The following CAMKMT variants were observed in gnomAD, a reference collection of about 807,000 sequenced individuals.
CAMKMT encodes the protein CaM KMT.
Under a neutral mutation model 48.0 loss-of-function variants are expected in CAMKMT, and 53 were observed. The observed-to-expected ratio is 1.10, with a 90% CI of 0.89 to 1.39. The LOEUF (loss-of-function observed/expected upper bound fraction) is 1.39, where lower values mean the gene tolerates loss of function less well. Ranked by LOEUF, CAMKMT falls within the 40% of genes most tolerant of loss-of-function variation. The probability of loss-of-function intolerance (pLI) is 0.00; values close to 1 mark genes in which losing one functional copy is unlikely to be tolerated. For synonymous variants in CAMKMT, 165 were observed against 152.3 expected (o/e 1.08, Z -0.61); for missense variants, 428 against 402.7 (o/e 1.06, Z -0.54).
At chr2:44,566,200 A>AT (rs1373442499) in intron 3 of CAMKMT, among the ~76,000 whole-genome samples, 1 of 152,186 alleles carries the variant, frequency 6.6e-6, no homozygotes, top group Non-Finnish European at 1.5e-5. Context: ...ATAAATTGGG[A>AT]TCCCCCTGGA....
intron 3 of CAMKMT, among the ~76,000 whole-genome samples, chr2:44,584,464 C>T (rs1669739408): frequency 6.6e-6 from 1 of 152,130 alleles, no homozygotes; most frequent in South Asian, 2.1e-4. Context: ...CCTGAAAAAA[C>T]AGTTTCATTG....
At chr2:44,685,460 A>G (rs1676284982) in intron 3 of CAMKMT, among the ~76,000 whole-genome samples, 1 of 152,186 alleles carries the variant, frequency 6.6e-6, no homozygotes, top group Non-Finnish European at 1.5e-5. Flanking sequence ...TTTGACCACC[A>G]GTTATAGCTA....
intron 3 of CAMKMT, among the ~76,000 whole-genome samples, chr2:44,492,335 G>A (rs1177594020): frequency 6.6e-6 from 1 of 151,938 alleles, no homozygotes; most frequent in East Asian, 1.9e-4. Context: ...TTCCATAAAT[G>A]TAAATTATAT....
intron 3 of CAMKMT, among the ~76,000 whole-genome samples, chr2:44,562,298 C>G (rs911472478): frequency 2.0e-5 from 3 of 152,164 alleles, no homozygotes; most frequent in African/African-American, 7.2e-5. Context: ...TATCCACAGT[C>G]TCTGTTTACC....
chr2:44,731,443 A>G (rs896932884), intron 7 of CAMKMT, among the ~76,000 whole-genome samples: 2 of 152,140 alleles, frequency 1.3e-5, no homozygotes, highest in African/African-American at 4.8e-5. Context: ...ATGAGAAAAT[A>G]AATTCTTTAA....
chr2:44,417,648 G>T (rs898018428), intron 3 of CAMKMT, among the ~76,000 whole-genome samples: 1 of 152,136 alleles, frequency 6.6e-6, no homozygotes, highest in Non-Finnish European at 1.5e-5. Context: ...TTTCCCAAGT[G>T]GTTGTACTAT....
chr2:44,661,779 T>C (rs1308527100), intron 3 of CAMKMT, among the ~76,000 whole-genome samples: 1 of 152,172 alleles, frequency 6.6e-6, no homozygotes, highest in African/African-American at 2.4e-5. Flanking sequence ...TATTTTGAAG[T>C]GGCAGAGGTA....
intron 3 of CAMKMT, among the ~76,000 whole-genome samples, chr2:44,394,302 A>G (rs1681618972): frequency 6.6e-6 from 1 of 152,120 alleles, no homozygotes; most frequent in African/African-American, 2.4e-5. Flanking sequence ...GTTGAGCTCC[A>G]TGACAGGACC....
intron 1 of CAMKMT, among the ~76,000 whole-genome samples, chr2:44,367,721 A>G (rs1021664667): frequency 6.6e-5 from 10 of 152,230 alleles, no homozygotes; most frequent in African/African-American, 1.7e-4. Context: ...GATCAGAATG[A>G]AGAGCCTGTT....
chr2:44,532,280 A>G (rs1666529272), intron 3 of CAMKMT, among the ~76,000 whole-genome samples: 1 of 152,220 alleles, frequency 6.6e-6, no homozygotes, highest in Non-Finnish European at 1.5e-5. Flanking sequence ...CACAATCACT[A>G]TTACCATATA....
chr2:44,481,445 A>G (rs74262127), intron 3 of CAMKMT, among the ~76,000 whole-genome samples: 9,409 of 152,068 alleles, frequency 0.062, 339 homozygotes, highest in South Asian at 0.15. Context: ...CATTCTGTCT[A>G]TCCTTTCTTT....
intron 3 of CAMKMT, among the ~76,000 whole-genome samples, chr2:44,697,385 A>G (rs1677014136): frequency 6.6e-6 from 1 of 152,156 alleles, no homozygotes; most frequent in African/African-American, 2.4e-5. Flanking sequence ...GCTGTGTACC[A>G]AGCATAGAGG....
chr2:44,403,181 A>G (rs931547039), intron 3 of CAMKMT, among the ~76,000 whole-genome samples: 1 of 152,152 alleles, frequency 6.6e-6, no homozygotes, highest in Non-Finnish European at 1.5e-5. Flanking sequence ...TTATCAGAGA[A>G]AACACTTTTG....
At chr2:44,708,211 A>ATTTTTTTTTTTTGTTTTTTT (rs1677672763) in intron 6 of CAMKMT, among the ~76,000 whole-genome samples, 1 of 68,180 alleles carries the variant, frequency 1.5e-5, no homozygotes. Context: ...TTTGCTTTGG[A>ATTTTTTTTTTTTGTTTTTTT]TTTTTTTTTT....
intron 3 of CAMKMT, among the ~76,000 whole-genome samples, chr2:44,524,745 A>C (rs1177966247): frequency 6.6e-6 from 1 of 152,208 alleles, no homozygotes; most frequent in African/African-American, 2.4e-5. Flanking sequence ...CCTGTATGTC[A>C]CAATAACTGG....
chr2:44,372,962 C>G, intron 2 of CAMKMT, 74 bp downstream of exon 2: 1 of 1,327,958 alleles, frequency 7.5e-7, no homozygotes, highest in Non-Finnish European at 1.0e-6. Flanking sequence ...TAATAAGAAT[C>G]ATCATTATTT....
intron 2 of CAMKMT, among the ~76,000 whole-genome samples, chr2:44,376,452 G>A (rs1338513791): frequency 6.6e-6 from 1 of 150,804 alleles, no homozygotes; most frequent in Non-Finnish European, 1.5e-5. Context: ...CACTGGGGAT[G>A]TTACAAGTTC....
chr2:44,420,132 A>C (rs1683834585), intron 3 of CAMKMT, among the ~76,000 whole-genome samples: 1 of 152,236 alleles, frequency 6.6e-6, no homozygotes, highest in South Asian at 2.1e-4. Flanking sequence ...ATGTGAGTTT[A>C]ATAATAGGAT....
rs1447860165 is a variant in CAMKMT, at chr2:44,754,052, C to T, written c.699-3C>T. 1.2e-6 allele frequency: 2 copies of T among 1,612,976 alleles called. No homozygotes were observed. The highest frequency in any genetic ancestry group is 1.7e-4 in the Middle Eastern group (1 of 6,060). The stretch of plus-strand genomic sequence containing the variant: ...CTGGATTCTGCTCTCTTCTCAATGT[C>T]AGCCTGTTTCTGGACCAGTACAGAG... On this transcript the variant is annotated splice_polypyrimidine_tract_variant and splice_region_variant and intron_variant, in intron 8 of 10. Transcript: ENST00000378494.
Sources: gnomAD v4.1 joint callset for allele counts (sites outside exome capture counted in the v4.1 genomes callset) on GRCh38, gnomAD v4.1.1 for gene constraint, MANE v1.5 for transcripts, NCBI Gene and HGNC (gene_info 2026-07-23, HGNC 2026-07-21) for gene names.